The following FBXW10 variants were observed in gnomAD, a reference collection of about 807,000 sequenced individuals.
The protein encoded by FBXW10 is F-box/WD repeat-containing protein 10.
A neutral mutation model predicts 113.1 loss-of-function variants in FBXW10; 68 were observed. That is an observed-to-expected ratio of 0.60 (90% CI 0.49 to 0.74). The LOEUF (loss-of-function observed/expected upper bound fraction) is 0.74. Among genes scored for constraint, FBXW10 ranks in the 30% least tolerant of loss-of-function variants. FBXW10 has a pLI of 0.00. For missense variants in FBXW10, 753 were observed against 1,284.5 expected (o/e 0.59, Z 6.32); for synonymous variants, 289 against 481.6 (o/e 0.60, Z 5.24).
chr17:18,765,656 G>A (rs1253913358), intron 8 of FBXW10, among the ~76,000 whole-genome samples: 6 of 152,282 alleles, frequency 3.9e-5, no homozygotes, highest in Middle Eastern at 3.4e-3. Context: ...TGAGGAAGAA[G>A]GTGCTTTTGG....
chr17:18,744,355 G>A lies in FBXW10; in HGVS notation c.111G>A (p.Lys37=), dbSNP rs775087357. 10 of 1,613,662 alleles carry A rather than the reference G, an allele frequency of 6.2e-6. No individual in the cohort carries two copies. In the African/African-American group the frequency reaches 1.2e-4, roughly 19 times the overall value. The change falls in exon 1 of 14, where the codon AAG becomes AAA. Residue 37 remains lysine, a synonymous_variant. Transcript: ENST00000395665. ...GTGAGACGTGTGTCTTAGCCTGGAA[G>A]ATCTTCTCTACCAAAGAGTGGTTCT... ...RKCETCVLAW[K]IFSTKEWFCR...
rs2151787561 is a variant in FBXW10, at chr17:18,748,117, T to A, written c.670+12T>A. 6.2e-7 allele frequency: 1 copy of A among 1,613,706 alleles called. No homozygotes were observed. The highest frequency in any genetic ancestry group is 2.2e-5 in the East Asian group (1 of 44,836). On this transcript the variant is annotated intron_variant, in intron 2 of 13. Coordinates refer to ENST00000395665, the MANE Select transcript of FBXW10 (RefSeq NM_001267585.2). ...AGCATCTAACCCTGGTAAGTGAACT[T>A]TCAGCAAGAAAGCCAATATGGGCTA...
intron 1 of FBXW10, among the ~76,000 whole-genome samples, chr17:18,745,648 T>C (rs1016586692): frequency 1.3e-5 from 2 of 152,110 alleles, no homozygotes; most frequent in Non-Finnish European, 2.9e-5. Flanking sequence ...ACTCCTGACC[T>C]CGTGATCCGC....
intron 12 of FBXW10, 141 bp downstream of exon 12, chr17:18,772,824 C>G (rs563438377): frequency 5.8e-6 from 4 of 692,430 alleles, no homozygotes; most frequent in East Asian, 5.2e-5. Context: ...AAATCCTAAC[C>G]CTCCAGGAAG....
intron 12 of FBXW10, 144 bp from the exon 13 acceptor site, chr17:18,774,992 T>TA: frequency 1.7e-6 from 1 of 584,178 alleles, no homozygotes; most frequent in Non-Finnish European, 3.0e-6. Context: ...TAATTATGTA[T>TA]AATTATGTAC....
At chr17:18,759,172 A>G (rs2035331534) in intron 7 of FBXW10, among the ~76,000 whole-genome samples, 1 of 152,154 alleles carries the variant, frequency 6.6e-6, no homozygotes, top group Non-Finnish European at 1.5e-5. Context: ...TCCATCTCAA[A>G]AAAAACCACA....
chr17:18,768,442 G>A (rs1567623566), intron 9 of FBXW10, 92 bp from the exon 10 acceptor site: 5 of 1,530,094 alleles, frequency 3.3e-6, no homozygotes, highest in Non-Finnish European at 4.4e-6. Flanking sequence ...GATTGGTGGG[G>A]GGTGGCTTTG....
At chr17:18,757,748 T>A (rs1172810129) in intron 6 of FBXW10, among the ~76,000 whole-genome samples, 1 of 152,262 alleles carries the variant, frequency 6.6e-6, no homozygotes, top group African/African-American at 2.4e-5. Flanking sequence ...TTGCTAATAA[T>A]CCTATGATTG....
intron 5 of FBXW10, among the ~76,000 whole-genome samples, chr17:18,753,598 C>A (rs907041181): frequency 6.6e-6 from 1 of 152,066 alleles, no homozygotes; most frequent in Non-Finnish European, 1.5e-5. Flanking sequence ...AGGGGCCAGG[C>A]GCAGTGGCTC....
intron 7 of FBXW10, among the ~76,000 whole-genome samples, chr17:18,759,755 G>C (rs1228475544): frequency 6.6e-6 from 1 of 151,980 alleles, no homozygotes; most frequent in East Asian, 1.9e-4. Context: ...TGAGACTACA[G>C]GGGCCCGCCA....
chr17:18,764,063 C>A (rs558353319), intron 7 of FBXW10, among the ~76,000 whole-genome samples: 1 of 145,358 alleles, frequency 6.9e-6, no homozygotes, highest in Non-Finnish European at 1.5e-5. Flanking sequence ...GCCAGTGGCA[C>A]CTCCTTCCCG....
At chr17:18,754,738 G>C (rs2035227084) in intron 5 of FBXW10, among the ~76,000 whole-genome samples, 1 of 152,180 alleles carries the variant, frequency 6.6e-6, no homozygotes. Flanking sequence ...GGAAGCAAAG[G>C]AGGGAGGGAA....
At position 18,755,239 on chromosome 17, in the gene FBXW10, G is replaced by T. The variant is rs531213725; in HGVS notation, c.1123-806G>T. On this transcript the variant is annotated intron_variant, in intron 5 of 13. Transcript: ENST00000395665. ...GATCATGACATTGCACTCCAGCCTG[G>T]GTGAGAAGAGTGAAACTCCGTCTTA... 1.3e-3 allele frequency among the ~76,000 whole-genome samples: 204 copies of T among 151,756 alleles called. 1 individual carries two copies. Among genetic ancestry groups the T allele is most frequent in the Non-Finnish European group, 1.9e-3 (126 of 67,960 alleles).
intron 7 of FBXW10, among the ~76,000 whole-genome samples, chr17:18,762,899 T>TA (rs527398401): frequency 8.3e-4 from 124 of 149,054 alleles, no homozygotes; most frequent in African/African-American, 3.0e-3. Context: ...TGCATAAATT[T>TA]AAAAAACCAA....
chr17:18,747,091 A>AT (rs1383897195), intron 1 of FBXW10, among the ~76,000 whole-genome samples: 1 of 151,262 alleles, frequency 6.6e-6, no homozygotes, highest in Non-Finnish European at 1.5e-5. Context: ...CGCCCGGCTA[A>AT]TTTTTTTTGT....
chr17:18,760,195 AT>A, intron 7 of FBXW10, among the ~76,000 whole-genome samples: 1 of 152,172 alleles, frequency 6.6e-6, no homozygotes, highest in Non-Finnish European at 1.5e-5. Context: ...ACTGTGTTTT[AT>A]TGGGGTTTAA....
chr17:18,750,888 T>A, intron 4 of FBXW10, 43 bp from the exon 5 acceptor site: 1 of 1,590,492 alleles, frequency 6.3e-7, no homozygotes, highest in Non-Finnish European at 8.6e-7. Flanking sequence ...GAGAAGCCAT[T>A]TTCTGTTTTT....
Position 18,770,208 on chromosome 17 carries a change from T to C in FBXW10, c.2006+123T>C, listed in dbSNP as rs531650623. The C allele has an allele frequency of 4.8e-6, 7 of 1,452,812 alleles. No homozygotes were observed. In the Admixed American group the frequency reaches 6.0e-5, roughly 12 times the overall value. The allele number at this position is 1,452,812 out of a possible 1,614,324, so 90.0% of individuals were successfully genotyped here. A position where few individuals can be genotyped will look rare whatever the true frequency, so the allele number is the denominator to read the frequency against. ...GAGGAGAGAGTGTGCAATGCCTCTC[T>C]ACAATTCTGGCTGGGTGGAGCAATA... is the stretch of plus-strand genomic sequence containing the variant. On this transcript the variant is annotated intron_variant, in intron 11 of 13. Transcript: ENST00000395665.
intron 10 of FBXW10, chr17:18,769,335 C>T (rs573594899): frequency 5.2e-5 from 8 of 152,852 alleles, no homozygotes; most frequent in African/African-American, 1.9e-4. Context: ...CAAACATGAT[C>T]ATCTATATGT....
Sources: gnomAD v4.1 joint callset for allele counts (sites outside exome capture counted in the v4.1 genomes callset) on GRCh38, gnomAD v4.1.1 for gene constraint, MANE v1.5 for transcripts, NCBI Gene and HGNC (gene_info 2026-07-23, HGNC 2026-07-21) for gene names.